The following A2ML1 variants were observed in gnomAD, a reference collection of about 807,000 sequenced individuals.
A2ML1 encodes the protein alpha-2-macroglobulin like 1.
Under a neutral mutation model 181.9 loss-of-function variants are expected in A2ML1, and 161 were observed. The ratio of observed to expected loss-of-function variants is 0.89; its 90% CI spans 0.78 to 1.01. The LOEUF (loss-of-function observed/expected upper bound fraction) is 1.01, where lower values mean the gene tolerates loss of function less well. Among genes scored for constraint, A2ML1 ranks in the 50% least tolerant of loss-of-function variants. A2ML1 has a pLI of 0.00. For missense variants in A2ML1, 1,670 were observed against 1,768.1 expected (o/e 0.94, Z 1.00); for synonymous variants, 663 against 666.8 (o/e 0.99, Z 0.09).
intron 4 of A2ML1, among the ~76,000 whole-genome samples, chr12:8,833,652 T>C: frequency 6.6e-6 from 1 of 152,168 alleles, no homozygotes; most frequent in Admixed American, 6.5e-5. Flanking sequence ...CGCCACAGCC[T>C]CCCAAAGTGC....
At chr12:8,838,578 A>C (rs1023315377) in intron 9 of A2ML1, 128 bp downstream of exon 9, 112 of 627,442 alleles carry the variant, frequency 1.8e-4, no homozygotes, top group Middle Eastern at 6.7e-4. Flanking sequence ...TTCCTAGTTC[A>C]TAGTCAAGGG....
intron 3 of A2ML1, among the ~76,000 whole-genome samples, chr12:8,825,100 A>G (rs1942886602): frequency 6.6e-6 from 1 of 152,134 alleles, no homozygotes; most frequent in African/African-American, 2.4e-5. Flanking sequence ...TTTCTTTTGT[A>G]TATATACTTA....
intron 3 of A2ML1, among the ~76,000 whole-genome samples, chr12:8,827,190 A>G (rs1942957110): frequency 6.6e-6 from 1 of 152,152 alleles, no homozygotes; most frequent in South Asian, 2.1e-4. Context: ...AAAATACCAA[A>G]TTAGCCAAGC....
chr12:8,838,576 T>G, intron 9 of A2ML1, 126 bp downstream of exon 9: 1 of 633,748 alleles, frequency 1.6e-6, no homozygotes, highest in Non-Finnish European at 2.6e-6. Flanking sequence ...TGTTCCTAGT[T>G]CATAGTCAAG....
chr12:8,868,475 T>TGTGTG, intron 31 of A2ML1, 62 bp from the exon 32 acceptor site: 27 of 1,595,416 alleles, frequency 1.7e-5, no homozygotes, highest in Admixed American at 3.4e-5. Context: ...TGTGTGTGTG[T>TGTGTG]TGGGGATGCA....
downstream of A2ML1, chr12:8,876,848 T>A (rs1425904830): frequency 6.6e-6 from 1 of 152,204 alleles, no homozygotes; most frequent in Non-Finnish European, 1.5e-5. Context: ...GTGATGATCA[T>A]CCTTTCCCCC....
rs767471994 is a variant in A2ML1, at chr12:8,852,153, G to A, written c.2464-57G>A. The stretch of plus-strand genomic sequence containing the variant: ...CGTCTCAGCCCCCAGGTTTCCCCAG[G>A]CCTCTATGCACTACCTCCTTTGTTT... On this transcript the variant is annotated intron_variant, in intron 19 of 35. Transcript: ENST00000299698. The surrounding 1 kb of genome is among the most constrained non-coding windows in gnomAD (Gnocchi z 4.2). 2.4e-5 allele frequency: 39 copies of A among 1,607,166 alleles called. No homozygotes were observed. The highest frequency in any genetic ancestry group is 3.4e-5 in the Admixed American group (2 of 59,490).
intron 22 of A2ML1, among the ~76,000 whole-genome samples, chr12:8,855,189 G>T (rs762809903): frequency 3.3e-5 from 5 of 152,128 alleles, no homozygotes; most frequent in Admixed American, 3.3e-4. Context: ...CACTGCACCC[G>T]GCAGCAGGAG....
chr12:8,826,944 GT>G (rs892099347), intron 3 of A2ML1, among the ~76,000 whole-genome samples: 7 of 151,966 alleles, frequency 4.6e-5, no homozygotes, highest in African/African-American at 1.7e-4. Context: ...ATTCTTTTTT[GT>G]TTTTTATTCC....
At chr12:8,875,621 T>C (rs1944777181) in intron 35 of A2ML1, 1 of 151,878 alleles carries the variant, frequency 6.6e-6, no homozygotes. Flanking sequence ...GTATTTTTAA[T>C]AGAGATGGGG....
chr12:8,842,921 G>T (rs2136813224), intron 11 of A2ML1, among the ~76,000 whole-genome samples: 1 of 152,268 alleles, frequency 6.6e-6, no homozygotes, highest in South Asian at 2.1e-4. Flanking sequence ...CAGCCCTTCT[G>T]TCGCTCTCCT....
chr12:8,836,124 T>G, intron 6 of A2ML1, 131 bp from the exon 7 acceptor site: 2 of 686,898 alleles, frequency 2.9e-6, no homozygotes, highest in Non-Finnish European at 5.0e-6. Context: ...TTCAGGAACA[T>G]GCTACCTAAA....
At chr12:8,834,964 A>T in intron 5 of A2ML1, 2 of 477,694 alleles carry the variant, frequency 4.2e-6, no homozygotes, top group Admixed American at 3.9e-5. Context: ...TGACTTAACC[A>T]GGCTTGGTTC....
chr12:8,854,936 C>G (rs1944013184), intron 22 of A2ML1, 105 bp downstream of exon 22: 1 of 1,288,908 alleles, frequency 7.8e-7, no homozygotes, highest in African/African-American at 1.5e-5. Flanking sequence ...GCTCCGTCGT[C>G]CAGGCTGGAT....
chr12:8,837,513 C>T lies in A2ML1; in HGVS notation c.802C>T (p.Arg268Ter), dbSNP rs759740387. 6.8e-6 allele frequency: 11 copies of T among 1,613,844 alleles called. No homozygotes were observed. The highest frequency in any genetic ancestry group is 2.2e-5 in the East Asian group (1 of 44,870). ...TCAGAAGGCAAATACTTACTGGTAT[C>T]GAGAGGTGGAACGGGAACAGCTTCC... ...VCQKANTYWYREVEREQLPDK... is the reference protein window; with the variant it reads ...VCQKANTYWY Residue 268 changes from arginine to a stop codon, truncating the protein, a stop_gained, in exon 8 of 36, where the codon CGA (arginine) becomes TGA (stop). Transcript: ENST00000299698. LOFTEE classifies it high-confidence loss of function.
intron 22 of A2ML1, 143 bp downstream of exon 22, chr12:8,854,974 A>T: frequency 6.1e-6 from 5 of 815,670 alleles, no homozygotes; most frequent in South Asian, 3.4e-5. Context: ...AGCTCATTGC[A>T]ACCTCTGCCT....
At chr12:8,848,439 CCA>C (rs1943775597) in intron 15 of A2ML1, among the ~76,000 whole-genome samples, 2 of 151,674 alleles carry the variant, frequency 1.3e-5, no homozygotes, top group Non-Finnish European at 2.9e-5. Context: ...CGAGATCGTC[CCA>C]CTGCACTTCA....
chr12:8,847,814 C>T (rs982429539), intron 15 of A2ML1, 116 bp downstream of exon 15: 32 of 1,334,328 alleles, frequency 2.4e-5, no homozygotes, highest in Admixed American at 1.0e-4. Flanking sequence ...TGCCATAAGG[C>T]GGTAAAAAGG....
At chr12:8,853,094 A>C (rs1023158838) in intron 20 of A2ML1, among the ~76,000 whole-genome samples, 3 of 152,154 alleles carry the variant, frequency 2.0e-5, no homozygotes, top group African/African-American at 7.2e-5. Context: ...TCCCAGGCTC[A>C]AGCGATCCTC....
Sources: allele counts gnomAD v4.1 joint callset (sites outside exome capture counted in the v4.1 genomes callset), GRCh38; gene constraint gnomAD v4.1.1; non-coding constraint Gnocchi (gnomAD v3.1); transcripts MANE v1.5; gene names NCBI Gene and HGNC (gene_info 2026-07-23, HGNC 2026-07-21).